The following SS18 variants were observed in gnomAD, a reference collection of about 807,000 sequenced individuals.
SS18 encodes SS18 subunit of BAF chromatin remodeling complex, also known as protein SSXT.
A neutral mutation model predicts 72.5 loss-of-function variants in SS18; 28 were observed. The ratio of observed to expected loss-of-function variants is 0.39; its 90% confidence interval spans 0.29 to 0.53. The LOEUF is 0.53. Among genes scored for constraint, SS18 ranks in the 20% least tolerant of loss-of-function variants. The pLI, the probability that SS18 is intolerant of heterozygous loss-of-function variation, is 0.76. For synonymous variants in SS18, 172 were observed against 164.2 expected (o/e 1.05, Z -0.37); for missense variants, 518 against 535.3 (o/e 0.97, Z 0.32).
At chr18:26,039,168 CAAAAAAAA>C (rs34318951) in intron 6 of SS18, 113 bp downstream of exon 6, 418 of 251,420 alleles carry the variant, frequency 1.7e-3, no homozygotes, top group East Asian at 4.1e-3. Flanking sequence ...TACCTTTTGT[CAAAAAAAA>C]AAAAAAAAAA....
chr18:26,036,300 C>CTGT (rs1567996078), intron 7 of SS18, among the ~76,000 whole-genome samples: 2 of 152,224 alleles, frequency 1.3e-5, no homozygotes, highest in East Asian at 3.9e-4. Context: ...TGTCAAACAC[C>CTGT]TGTTCTGCTG....
chr18:26,027,882 G>C (rs1342600865), intron 10 of SS18, among the ~76,000 whole-genome samples: 2 of 151,822 alleles, frequency 1.3e-5, no homozygotes, highest in African/African-American at 4.8e-5. Context: ...GAAAATCTTT[G>C]TGACCTTCAG....
chr18:26,057,477 C>G, intron 4 of SS18, 112 bp downstream of exon 4: 3 of 1,237,244 alleles, frequency 2.4e-6, no homozygotes, highest in Non-Finnish European at 3.5e-6. Context: ...AGCTTGTACT[C>G]GGGGGCATTC....
chr18:26,023,892 A>G (rs2053398166), intron 10 of SS18, among the ~76,000 whole-genome samples: 1 of 151,348 alleles, frequency 6.6e-6, no homozygotes, highest in Non-Finnish European at 1.5e-5. Flanking sequence ...TTAGACAAAA[A>G]TAAATTCAAT....
At chr18:26,023,379 G>C (rs369185353) in intron 10 of SS18, among the ~76,000 whole-genome samples, 7 of 152,038 alleles carry the variant, frequency 4.6e-5, no homozygotes, top group African/African-American at 1.7e-4. Context: ...CCAAGCATAA[G>C]AAACATGAAG....
chr18:26,029,895 C>T (rs566230776), intron 10 of SS18, among the ~76,000 whole-genome samples: 1 of 152,236 alleles, frequency 6.6e-6, no homozygotes, highest in South Asian at 2.1e-4. Context: ...AGAAACACTA[C>T]TGGCACTAAA....
intron 3 of SS18, among the ~76,000 whole-genome samples, chr18:26,059,653 T>C (rs985622755): frequency 2.0e-5 from 3 of 152,166 alleles, no homozygotes; most frequent in African/African-American, 4.8e-5. Flanking sequence ...GAAATTGAAA[T>C]AGATCAGCCC....
At chr18:26,019,656 CA>C (rs2053310490) in intron 10 of SS18, among the ~76,000 whole-genome samples, 1 of 151,602 alleles carries the variant, frequency 6.6e-6, no homozygotes, top group African/African-American at 2.4e-5. Context: ...ACTAAAAATA[CA>C]AAAATTAGCT....
chr18:26,020,850 A>C (rs1299633546), intron 10 of SS18, among the ~76,000 whole-genome samples: 1 of 152,238 alleles, frequency 6.6e-6, no homozygotes, highest in African/African-American at 2.4e-5. Context: ...TAGAAGAAAT[A>C]GCTGAAACAA....
intron 4 of SS18, among the ~76,000 whole-genome samples, chr18:26,055,652 G>C (rs1435779054): frequency 6.6e-6 from 1 of 151,696 alleles, no homozygotes; most frequent in African/African-American, 2.4e-5. Context: ...TTGGCTAAAT[G>C]CTATAAGGAA....
intron 7 of SS18, among the ~76,000 whole-genome samples, chr18:26,037,894 G>A (rs674705): frequency 1 from 152,202 of 152,222 alleles, 76,091 homozygotes; most frequent in Non-Finnish European, 1. Flanking sequence ...AAATTTTCCT[G>A]AAGTACAGTG....
Position 26,017,620 on chromosome 18 carries a change from T to C in SS18, c.*734A>G, listed in dbSNP as rs2053270651. 1 of 204,702 alleles carries C rather than the reference T, an allele frequency of 4.9e-6. No homozygotes were observed. The highest frequency in any genetic ancestry group is 1.0e-5 in the Non-Finnish European group (1 of 99,874). The allele number at this position is 204,702 out of a possible 1,614,324, so 12.7% of individuals were successfully genotyped here. A position where few individuals can be genotyped will look rare whatever the true frequency, so the allele number is the denominator to read the frequency against. ...TGCCTCACATTTTAAAACAGTATTATAAATGATCTTTATAAAAAGGTTTAA... is the reference window on the plus strand; with the variant it reads ...TGCCTCACATTTTAAAACAGTATTACAAATGATCTTTATAAAAAGGTTTAA... On this transcript the variant is annotated 3_prime_UTR_variant, in exon 11 of 11. Transcript: ENST00000415083.
chr18:26,041,081 G>A (rs191382810), intron 5 of SS18, among the ~76,000 whole-genome samples: 60 of 152,250 alleles, frequency 3.9e-4, no homozygotes, highest in Non-Finnish European at 5.0e-4. Context: ...TTATTTTGAA[G>A]CACATGTTTG....
intron 5 of SS18, among the ~76,000 whole-genome samples, chr18:26,041,314 T>C (rs1025141642): frequency 1.3e-4 from 20 of 151,976 alleles, no homozygotes; most frequent in South Asian, 2.1e-4. Context: ...ATCCCAGCTA[T>C]TGGGGAGGCT....
chr18:26,069,340 G>C (rs2054272923), intron 3 of SS18, among the ~76,000 whole-genome samples: 1 of 151,628 alleles, frequency 6.6e-6, no homozygotes, highest in Non-Finnish European at 1.5e-5. Flanking sequence ...GACACCACAG[G>C]AACAGGAATT....
chr18:26,039,975 C>T (rs554984637), intron 5 of SS18, among the ~76,000 whole-genome samples: 22 of 152,066 alleles, frequency 1.4e-4, no homozygotes, highest in African/African-American at 4.1e-4. Context: ...ATACAAACAC[C>T]GAATATAATT....
At chr18:26,074,844 T>A (rs2054382436) in intron 3 of SS18, among the ~76,000 whole-genome samples, 1 of 151,812 alleles carries the variant, frequency 6.6e-6, no homozygotes, top group African/African-American at 2.4e-5. Flanking sequence ...ATAATAAACA[T>A]CTGGCAAGAA....
rs1037040225 is a variant in SS18 at position 26,035,702 on chromosome 18, C to T, written c.973+129G>A. The T allele has an allele frequency of 2.0e-6, 1 of 490,428 alleles. No homozygotes were observed. 30.4% of individuals were successfully genotyped at this position (490,428 alleles called of 1,614,324 possible). On this transcript the variant is annotated intron_variant, in intron 8 of 10. Coordinates refer to ENST00000415083, the MANE Select transcript of SS18 (RefSeq NM_001007559.3). This position sits in a 1 kb window ranked among gnomAD's most constrained non-coding sequence, Gnocchi z 4.4. ...TATTTTGATTGTTTTGGGCTCCCTG[C>T]AACTTTCAAGAAAGCCAGCAACTAG...
intron 3 of SS18, among the ~76,000 whole-genome samples, chr18:26,058,718 C>T (rs1204081084): frequency 1.3e-5 from 2 of 152,198 alleles, no homozygotes; most frequent in Non-Finnish European, 2.9e-5. Context: ...TAATCACTAA[C>T]ATTTACAGAA....
Sources: allele counts gnomAD v4.1 joint callset (sites outside exome capture counted in the v4.1 genomes callset), GRCh38; gene constraint gnomAD v4.1.1; non-coding constraint Gnocchi (gnomAD v3.1); transcripts MANE v1.5; gene names NCBI Gene and HGNC (gene_info 2026-07-23, HGNC 2026-07-21).